The following C1orf105 variants were observed in gnomAD, a reference collection of about 807,000 sequenced individuals.
C1orf105 encodes uncharacterized protein C1orf105.
Under a neutral mutation model 20.8 loss-of-function variants are expected in C1orf105, and 17 were observed. The ratio of observed to expected loss-of-function variants is 0.82; its 90% CI spans 0.56 to 1.23. The LOEUF (loss-of-function observed/expected upper bound fraction) is 1.23. C1orf105 is among the 50% of genes most tolerant of loss of function. The pLI is 0.00. For synonymous variants in C1orf105, 72 were observed against 72.1 expected (o/e 1.00, Z 0.01); for missense variants, 219 against 213.5 (o/e 1.03, Z -0.16).
intron 1 of C1orf105, among the ~76,000 whole-genome samples, chr1:172,422,090 G>A (rs1318217959): frequency 6.6e-6 from 1 of 152,086 alleles, no homozygotes; most frequent in African/African-American, 2.4e-5. Flanking sequence ...AAGTCCTAGT[G>A]CTGTGCTGGG....
chr1:172,441,946 C>T lies in C1orf105; in HGVS notation c.22-3127C>T, dbSNP rs1272021400. On this transcript the variant is annotated intron_variant, in intron 1 of 6. Coordinates refer to ENST00000367727, the MANE Select transcript of C1orf105 (RefSeq NM_139240.4). ...AAGCAGTGTGACCCCCACATAGCTCCGGGGAGTACATGCCTTTAGTTTCTT... is the reference window on the plus strand; with the variant it reads ...AAGCAGTGTGACCCCCACATAGCTCTGGGGAGTACATGCCTTTAGTTTCTT... The T allele has an allele frequency of 3.7e-6, 6 of 1,614,102 alleles. No individual in the cohort carries two copies. The highest frequency in any genetic ancestry group is 2.2e-5 in the South Asian group (2 of 91,082).
intron 1 of C1orf105, among the ~76,000 whole-genome samples, chr1:172,428,061 A>G (rs1319825099): frequency 6.6e-6 from 1 of 152,252 alleles, no homozygotes; most frequent in South Asian, 2.1e-4. Context: ...CCCCCACCTC[A>G]GTTAACAACA....
intron 1 of C1orf105, chr1:172,441,802 A>G: frequency 6.2e-7 from 1 of 1,610,304 alleles, no homozygotes; most frequent in Admixed American, 1.7e-5. Flanking sequence ...TTCTTTAAAA[A>G]GCTGCAAGCG....
chr1:172,423,662 T>G (rs2149155093), intron 1 of C1orf105, among the ~76,000 whole-genome samples: 1 of 151,896 alleles, frequency 6.6e-6, no homozygotes, highest in East Asian at 1.9e-4. Flanking sequence ...TAGTGACCTT[T>G]CAGACAAGGA....
Position 172,467,970 on chromosome 1 carries a change from T to C in C1orf105, c.407-479T>C, listed in dbSNP as rs189912306. Among the ~76,000 whole-genome samples the C allele has an allele frequency of 2.1e-4, 32 of 152,350 alleles. No individual in the cohort carries two copies. The East Asian group carries it at 6.0e-3, about 28-fold the overall frequency. On this transcript the variant is annotated intron_variant, in intron 6 of 6. Transcript: ENST00000367727. ...TTTCTTTTGAAACAAAAGTACTTTC[T>C]GTCCCTACTGTAGCCTTTTTATAAG...
chr1:172,431,799 G>T (rs995014638), intron 1 of C1orf105, among the ~76,000 whole-genome samples: 1 of 152,248 alleles, frequency 6.6e-6, no homozygotes, highest in Non-Finnish European at 1.5e-5. Flanking sequence ...GCCTCACCTG[G>T]ATTGCTCAAG....
intron 3 of C1orf105, among the ~76,000 whole-genome samples, chr1:172,448,997 C>T (rs1362161033): frequency 6.6e-6 from 1 of 152,170 alleles, no homozygotes; most frequent in Non-Finnish European, 1.5e-5. Flanking sequence ...AGCACACAGG[C>T]TACAGTGCTT....
intron 1 of C1orf105, chr1:172,443,175 G>A: frequency 5.9e-6 from 1 of 168,180 alleles, no homozygotes. Flanking sequence ...ACAGAGCAGA[G>A]CCAGGATTCA....
rs968738762 is a variant in C1orf105 at position 172,465,227 on chromosome 1, G to A, written c.342-72G>A. ...ATAATAAATAAATAAAAATAAAAAT[G>A]TATAAAGGCACATTTCTTTCTACCA... On this transcript the variant is annotated intron_variant, in intron 5 of 6. Transcript: ENST00000367727. The A allele has an allele frequency of 7.3e-5, 55 of 749,086 alleles. No individual in the cohort carries two copies. In the African/African-American group the frequency reaches 8.7e-4, roughly 12 times the overall value. 46.4% of individuals were successfully genotyped at this position (749,086 alleles called of 1,614,324 possible).
chr1:172,447,204 T>C (rs1483612955), intron 2 of C1orf105, among the ~76,000 whole-genome samples: 1 of 152,172 alleles, frequency 6.6e-6, no homozygotes, highest in Non-Finnish European at 1.5e-5. Context: ...AAGCATTACA[T>C]ACCCTTGAGC....
chr1:172,432,217 G>T (rs1335512156), intron 1 of C1orf105, among the ~76,000 whole-genome samples: 3 of 152,208 alleles, frequency 2.0e-5, no homozygotes, highest in Non-Finnish European at 2.9e-5. Context: ...GTCCCTGTGT[G>T]ACAGCTCTGA....
chr1:172,459,851 T>C (rs1490737158), intron 4 of C1orf105, among the ~76,000 whole-genome samples: 2 of 152,194 alleles, frequency 1.3e-5, no homozygotes, highest in African/African-American at 4.8e-5. Flanking sequence ...ATCTATATAA[T>C]AGAATATTAA....
Position 172,435,062 on chromosome 1 carries a change from C to T in C1orf105, c.22-10011C>T, listed in dbSNP as rs113442129. On this transcript the variant is annotated intron_variant, in intron 1 of 6. Coordinates refer to ENST00000367727, the MANE Select transcript of C1orf105 (RefSeq NM_139240.4). Reference sequence around the variant, plus strand: ...ACTAAACGAGGAAAGAGCTGAATCTCTGACTAGACCAATAACAGGCTCTGA... The same window carrying T: ...ACTAAACGAGGAAAGAGCTGAATCTTTGACTAGACCAATAACAGGCTCTGA... Among the ~76,000 whole-genome samples, 76 of 152,310 alleles carry T rather than the reference C, an allele frequency of 5.0e-4. 1 individual carries two copies. The highest frequency in any genetic ancestry group is 1.7e-3 in the African/African-American group (71 of 41,562).
At chr1:172,445,855 C>T (rs1414003027) in intron 2 of C1orf105, among the ~76,000 whole-genome samples, 2 of 152,098 alleles carry the variant, frequency 1.3e-5, no homozygotes, top group African/African-American at 4.8e-5. Context: ...AAAGGGCAGG[C>T]ATAGAGGCCA....
chr1:172,444,557 C>A (rs1249795012), intron 1 of C1orf105, among the ~76,000 whole-genome samples: 2 of 152,172 alleles, frequency 1.3e-5, no homozygotes, highest in East Asian at 1.9e-4. Flanking sequence ...ATCATCTCCC[C>A]CCTCAAAGAG....
At chr1:172,450,391 C>T (rs2149179030) in intron 3 of C1orf105, among the ~76,000 whole-genome samples, 1 of 152,362 alleles carries the variant, frequency 6.6e-6, no homozygotes, top group Non-Finnish European at 1.5e-5. Flanking sequence ...ACACAGACGT[C>T]CTCAAATTTG....
At chr1:172,445,879 C>T (rs1425272083) in intron 2 of C1orf105, among the ~76,000 whole-genome samples, 3 of 152,180 alleles carry the variant, frequency 2.0e-5, no homozygotes, top group South Asian at 2.1e-4. Context: ...CAAAGGCACA[C>T]GACAGACTAA....
intron 3 of C1orf105, among the ~76,000 whole-genome samples, chr1:172,450,669 G>A (rs770557564): frequency 3.9e-4 from 59 of 152,196 alleles, no homozygotes; most frequent in East Asian, 1.9e-4. Context: ...CCTCTTCACC[G>A]TCACAGGTCA....
intron 1 of C1orf105, among the ~76,000 whole-genome samples, chr1:172,437,526 T>C (rs903441167): frequency 1.2e-4 from 15 of 127,716 alleles, no homozygotes; most frequent in South Asian, 2.5e-4. Context: ...ATAGGTGGGA[T>C]TGAACAATGA....
Sources: allele counts gnomAD v4.1 joint callset (sites outside exome capture counted in the v4.1 genomes callset), GRCh38; gene constraint gnomAD v4.1.1; transcripts MANE v1.5; gene names NCBI Gene and HGNC (gene_info 2026-07-23, HGNC 2026-07-21).